IL12A: variants seen among roughly 807,000 people sequenced by gnomAD.
IL12A encodes interleukin 12A, also known as interleukin-12 subunit alpha.
Under a neutral mutation model 23.5 loss-of-function variants are expected in IL12A, and 16 were observed. The observed-to-expected ratio is 0.68, with a 90% CI of 0.46 to 1.03. The LOEUF is 1.03. Ranked by LOEUF, IL12A falls within the 50% of genes least tolerant of loss-of-function variation. IL12A has a pLI of 0.00. For missense variants in IL12A, 275 were observed against 307.0 expected, an observed-to-expected ratio of 0.90 and a Z score of 0.78; for synonymous variants, 106 against 111.5, an observed-to-expected ratio of 0.95 and a Z score of 0.31.
Position 159,995,443 on chromosome 3 carries a change from T to C in IL12A, c.646T>C (p.Ser216Pro), listed in dbSNP as rs371972419. ...CAGTGAGACTGTGCCACAAAAATCC[T>C]CCCTTGAAGAACCGGATTTTTATAA... is the stretch of plus-strand genomic sequence containing the variant. Residue 216 changes from serine to proline, a missense_variant, in exon 7 of 7, where the codon TCC becomes CCC. Transcript: ENST00000305579. 1 of 1,607,808 alleles carries C rather than the reference T, an allele frequency of 6.2e-7. No individual in the cohort carries two copies. Among genetic ancestry groups the C allele is most frequent in the African/African-American group, 1.3e-5 (1 of 74,616 alleles).
chr3:159,995,452 G>T lies in IL12A; in HGVS notation c.655G>T (p.Glu219Ter). ...TGTGCCACAAAAATCCTCCCTTGAA[G>T]AACCGGATTTTTATAAAACTAAAAT... is the stretch of plus-strand genomic sequence containing the variant. The change falls in exon 7 of 7, where the codon GAA (glutamate) becomes TAA (stop). Residue 219 changes from glutamate (E) to a stop codon, truncating the protein, a stop_gained. Coordinates refer to ENST00000305579, the MANE Select transcript of IL12A (RefSeq NM_000882.4). LOFTEE classifies it high-confidence loss of function. 6.2e-7 allele frequency: 1 copy of T among 1,607,924 alleles called. No homozygotes were observed. Among genetic ancestry groups the T allele is most frequent in the Non-Finnish European group, 8.5e-7 (1 of 1,177,586 alleles).
chr3:159,989,097 C>T lies in IL12A; in HGVS notation c.41C>T (p.Pro14Leu), dbSNP rs1331484530. Reference sequence around the variant, plus strand: ...TCAGCCTCCCAGCCACCGCCCTCACCTGCCGCGGCCACAGGTCTGCATCCA... The same window carrying T: ...TCAGCCTCCCAGCCACCGCCCTCACTTGCCGCGGCCACAGGTCTGCATCCA... Residue 14 changes from proline to leucine, a missense_variant, in exon 1 of 7, where the codon CCT becomes CTT. Transcript: ENST00000305579. The T allele has an allele frequency of 1.2e-6, 2 of 1,613,294 alleles. No individual in the cohort carries two copies. Among genetic ancestry groups the T allele is most frequent in the Admixed American group, 3.3e-5 (2 of 59,986 alleles).
Position 159,995,972 on chromosome 3 carries a change from A to G in IL12A, c.*413A>G, listed in dbSNP as rs896470792. 6.6e-6 allele frequency: 1 copy of G among 152,166 alleles called. No individual in the cohort carries two copies. Among genetic ancestry groups the G allele is most frequent in the African/African-American group, 2.4e-5 (1 of 41,462 alleles). 9.4% of individuals were successfully genotyped at this position (152,166 alleles called of 1,614,324 possible). On this transcript the variant is annotated 3_prime_UTR_variant, in exon 7 of 7. Transcript: ENST00000305579. ...TTAAATTATTTATCAAGTGTATTTG[A>G]AAAATATTTTTAAGTGTTCTAAAAA...
chr3:159,992,635 T>C (rs1235941373), intron 2 of IL12A, among the ~76,000 whole-genome samples: 2 of 152,212 alleles, frequency 1.3e-5, no homozygotes, highest in Admixed American at 1.3e-4. Flanking sequence ...CCTTTAGAAG[T>C]TATACTTGAA....
At chr3:159,991,959 AGCAAATTGAATGTCATCT>A (rs1720330868) in intron 2 of IL12A, among the ~76,000 whole-genome samples, 1 of 152,246 alleles carries the variant, frequency 6.6e-6, no homozygotes, top group Non-Finnish European at 1.5e-5. Flanking sequence ...TCAGCTGATT[AGCAAATTGAATGTCATCT>A]GCACCTTCAT....
At chr3:159,993,279 TA>T in intron 3 of IL12A, 154 bp downstream of exon 3, 2 of 737,530 alleles carry the variant, frequency 2.7e-6, no homozygotes, top group South Asian at 1.9e-5. Context: ...AAATTATTTT[TA>T]AAAAATGGTT....
chr3:159,990,528 T>C (rs981667857), intron 2 of IL12A, among the ~76,000 whole-genome samples: 3 of 152,232 alleles, frequency 2.0e-5, no homozygotes, highest in Non-Finnish European at 4.4e-5. Flanking sequence ...TAATAAATTA[T>C]AATGATGTTG....
At position 159,993,078 on chromosome 3, in the gene IL12A, G is replaced by A. The variant is rs1421706208; in HGVS notation, c.331G>A (p.Asp111Asn). Residue 111 changes from aspartate to asparagine, a missense_variant, in exon 3 of 7, where the codon GAT becomes AAT. Asp to Asn is a conservative substitution (Grantham distance 23). Coordinates refer to ENST00000305579, the MANE Select transcript of IL12A (RefSeq NM_000882.4). ...GATTGATCATGAAGATATCACAAAA[G>A]ATAAAACCAGCACAGTGGAGGCCTG... 1 of 1,610,102 alleles carries A rather than the reference G, an allele frequency of 6.2e-7. No homozygotes were observed. Among genetic ancestry groups the A allele is most frequent in the Non-Finnish European group, 8.5e-7 (1 of 1,176,366 alleles).
rs183921973 is a variant in IL12A, at chr3:159,991,220, T to C, written c.264+908T>C. On this transcript the variant is annotated intron_variant, in intron 2 of 6. Transcript: ENST00000305579. ...TTTTAGGTGCTCCAATTCATATAGA[T>C]TTTTTTGTGCAAAAGCTGACACCCC... 6.6e-5 allele frequency among the ~76,000 whole-genome samples: 10 copies of C among 152,298 alleles called. No individual in the cohort carries two copies. The South Asian group carries it at 1.9e-3, about 28-fold the overall frequency.
Position 159,989,212 on chromosome 3 carries a change from G to T in IL12A, c.118+38G>T, listed in dbSNP as rs200995173. On this transcript the variant is annotated intron_variant, in intron 1 of 6. Transcript: ENST00000305579. Reference sequence around the variant, plus strand: ...CCCGCCAGGTCTTTGGCTCGCTCGGGTGCGGAGGGGCGGCTGCTTGGGAAG... The same window carrying T: ...CCCGCCAGGTCTTTGGCTCGCTCGGTTGCGGAGGGGCGGCTGCTTGGGAAG... 1.0e-3 allele frequency: 1,574 copies of T among 1,535,932 alleles called. 21 individuals are homozygous for T. The South Asian group carries it at 0.017, about 16-fold the overall frequency.
Position 159,989,062 on chromosome 3 carries a change from G to C in IL12A, c.6G>C (p.Trp2Cys). Residue 2 changes from tryptophan (W) to cysteine (C), a missense_variant, in exon 1 of 7, where the codon TGG (tryptophan) becomes TGC (cysteine). Physicochemically the swap from Trp to Cys is radical, Grantham distance 215. Transcript: ENST00000305579. Reference sequence around the variant, plus strand: ...GCCTCGGGACAATTATAAAAATGTGGCCCCCTGGGTCAGCCTCCCAGCCAC... The same window carrying C: ...GCCTCGGGACAATTATAAAAATGTGCCCCCCTGGGTCAGCCTCCCAGCCAC... 6.2e-7 allele frequency: 1 copy of C among 1,613,030 alleles called. No homozygotes were observed. Among genetic ancestry groups the C allele is most frequent in the Middle Eastern group, 1.7e-4 (1 of 6,058 alleles).
chr3:159,989,021 G>C lies in IL12A; in HGVS notation c.-36G>C, dbSNP rs772406139. 6.6e-7 allele frequency: 1 copy of C among 1,526,202 alleles called. No homozygotes were observed. The highest frequency in any genetic ancestry group is 1.7e-5 in the Admixed American group (1 of 59,908). The allele number at this position is 1,526,202 out of a possible 1,614,324, so 94.5% of individuals were successfully genotyped here. On this transcript the variant is annotated 5_prime_UTR_variant, in exon 1 of 7. Transcript: ENST00000305579. ...ACAGAAAGCAAGAGACCAGAGTCCC[G>C]GGAAAGTCCTGCCGCGCCTCGGGAC... is the stretch of plus-strand genomic sequence containing the variant.
chr3:159,990,465 C>T, intron 2 of IL12A, 153 bp downstream of exon 2: 2 of 713,900 alleles, frequency 2.8e-6, no homozygotes, highest in South Asian at 2.0e-5. Context: ...TACAAATGGC[C>T]CAAGTGTTAA....
intron 6 of IL12A, among the ~76,000 whole-genome samples, chr3:159,994,829 A>G (rs970369525): frequency 4.6e-5 from 7 of 152,146 alleles, no homozygotes; most frequent in South Asian, 2.1e-4. Context: ...AAATGGGGTG[A>G]CTTTATTCTA....
Position 159,988,973 on chromosome 3 carries a change from T to G in IL12A, c.-84T>G. 2.6e-6 allele frequency: 3 copies of G among 1,135,454 alleles called. No individual in the cohort carries two copies. Among genetic ancestry groups the G allele is most frequent in the Non-Finnish European group, 4.0e-6 (3 of 751,974 alleles). 70.3% of individuals were successfully genotyped at this position (1,135,454 alleles called of 1,614,324 possible). A position where few individuals can be genotyped will look rare whatever the true frequency, so the allele number is the denominator to read the frequency against. On this transcript the variant is annotated 5_prime_UTR_variant, in exon 1 of 7. It removes an upstream start codon present in the reference 5' UTR. Coordinates refer to ENST00000305579, the MANE Select transcript of IL12A (RefSeq NM_000882.4). ...ACCGCACGTGTCACCGAGAAGCTGA[T>G]GTAGAGAGAGACACAGAAGGAGACA...
chr3:159,995,513 G>A lies in IL12A; in HGVS notation c.716G>A (p.Arg239Gln), dbSNP rs1296279878. 3 of 1,608,910 alleles carry A rather than the reference G, an allele frequency of 1.9e-6. No individual in the cohort carries two copies. The highest frequency in any genetic ancestry group is 2.5e-6 in the Non-Finnish European group (3 of 1,177,998). Residue 239 changes from arginine to glutamine, a missense_variant, in exon 7 of 7, where the codon CGG becomes CAG. By Grantham distance (43) the Arg-to-Gln change is conservative. Coordinates refer to ENST00000305579, the MANE Select transcript of IL12A (RefSeq NM_000882.4). ...ATACTTCTTCATGCTTTCAGAATTCGGGCAGTGACTATTGATAGAGTGATG... is the reference window on the plus strand; with the variant it reads ...ATACTTCTTCATGCTTTCAGAATTCAGGCAGTGACTATTGATAGAGTGATG...
chr3:159,993,760 C>A lies in IL12A; in HGVS notation c.522C>A (p.Thr174=), dbSNP rs768944534. 9.3e-6 allele frequency: 15 copies of A among 1,613,934 alleles called. No homozygotes were observed. Among genetic ancestry groups the A allele is most frequent in the South Asian group, 3.3e-5 (3 of 91,086 alleles). Reference sequence around the variant, plus strand: ...AGATGTACCAGGTGGAGTTCAAGACCATGAATGCAAAGCTTCTGATGGATC... The same window carrying A: ...AGATGTACCAGGTGGAGTTCAAGACAATGAATGCAAAGCTTCTGATGGATC... The change falls in exon 6 of 7, where the codon ACC becomes ACA. Residue 174 remains threonine (T), a synonymous_variant. Transcript: ENST00000305579.
chr3:159,993,650 T>C (rs1331344722), intron 5 of IL12A, 41 bp downstream of exon 5: 2 of 1,614,012 alleles, frequency 1.2e-6, no homozygotes. Flanking sequence ...ATGGGGGAAA[T>C]GTTTTTAGCC....
intron 6 of IL12A, among the ~76,000 whole-genome samples, chr3:159,994,827 T>C (rs532375737): frequency 6.6e-6 from 1 of 152,274 alleles, no homozygotes; most frequent in Non-Finnish European, 1.5e-5. Context: ...TAAAATGGGG[T>C]GACTTTATTC....
Sources: gnomAD v4.1 joint callset for allele counts (sites outside exome capture counted in the v4.1 genomes callset) on GRCh38, gnomAD v4.1.1 for gene constraint, MANE v1.5 for transcripts, NCBI Gene and HGNC (gene_info 2026-07-23, HGNC 2026-07-21) for gene names.